The following CADM1 variants were observed in gnomAD, a reference collection of about 807,000 sequenced individuals.
The protein encoded by CADM1 is TSLC-1.
CADM1 carries 15 observed loss-of-function variants against 53.1 expected under a neutral mutation model. The observed-to-expected ratio is 0.28, with a 90% CI of 0.19 to 0.44. The LOEUF (loss-of-function observed/expected upper bound fraction) is 0.44. Ranked by LOEUF, CADM1 falls within the 20% of genes least tolerant of loss-of-function variation. CADM1 has a pLI of 1.00. For synonymous variants in CADM1, 281 were observed against 243.0 expected (o/e 1.16, Z -1.45); for missense variants, 434 against 611.3 (o/e 0.71, Z 3.06).
chr11:115,345,379 G>A (rs563013702), intron 1 of CADM1, among the ~76,000 whole-genome samples: 1 of 152,146 alleles, frequency 6.6e-6, no homozygotes, highest in East Asian at 1.9e-4. Flanking sequence ...GAAAATGTCA[G>A]TGCTCAGCAA....
chr11:115,409,015 C>T (rs1247805529), intron 1 of CADM1, among the ~76,000 whole-genome samples: 2 of 129,526 alleles, frequency 1.5e-5, no homozygotes, highest in Admixed American at 1.8e-4. Flanking sequence ...ACATCATCAG[C>T]CCAAGGAGGT....
intron 11 of CADM1, 130 bp from the exon 12 acceptor site, chr11:115,176,722 T>G: frequency 1.2e-6 from 1 of 818,572 alleles, no homozygotes; most frequent in Non-Finnish European, 2.1e-6. Context: ...GAAAAAACAA[T>G]TGGAAGAAGA....
At chr11:115,450,575 A>G (rs1017393692) in intron 1 of CADM1, among the ~76,000 whole-genome samples, 9 of 152,234 alleles carry the variant, frequency 5.9e-5, no homozygotes, top group Admixed American at 3.3e-4. Context: ...AGCCAGCTCC[A>G]TAACTATACA....
At chr11:115,182,818 C>T (rs150751514) in intron 10 of CADM1, among the ~76,000 whole-genome samples, 1 of 152,250 alleles carries the variant, frequency 6.6e-6, no homozygotes, top group Non-Finnish European at 1.5e-5. Context: ...TTCCATGGCT[C>T]TAAGTGTGAC....
At chr11:115,250,935 G>A (rs1318534021) in intron 1 of CADM1, among the ~76,000 whole-genome samples, 5 of 152,164 alleles carry the variant, frequency 3.3e-5, no homozygotes, top group Admixed American at 3.3e-4. Context: ...AGGACAATAA[G>A]CTTTACGATG....
At chr11:115,485,713 T>C (rs1191567808) in intron 1 of CADM1, among the ~76,000 whole-genome samples, 1 of 152,236 alleles carries the variant, frequency 6.6e-6, no homozygotes, top group African/African-American at 2.4e-5. Flanking sequence ...CACATGGAAC[T>C]GTGAGTCCAT....
intron 9 of CADM1, among the ~76,000 whole-genome samples, chr11:115,197,123 G>A (rs916355849): frequency 6.6e-6 from 1 of 152,176 alleles, no homozygotes; most frequent in Non-Finnish European, 1.5e-5. Flanking sequence ...ACCCAAGTTC[G>A]TTTTGCTTTC....
chr11:115,183,163 A>G (rs181600799), intron 10 of CADM1, among the ~76,000 whole-genome samples: 142 of 152,310 alleles, frequency 9.3e-4, no homozygotes, highest in African/African-American at 3.4e-3. Flanking sequence ...AAGAAAGGTG[A>G]CTGCTAGTGG....
chr11:115,392,398 T>A (rs899475266), intron 1 of CADM1, among the ~76,000 whole-genome samples: 3 of 151,928 alleles, frequency 2.0e-5, no homozygotes, highest in Non-Finnish European at 4.4e-5. Flanking sequence ...GGCAGAGAAT[T>A]TCTAAAGAGT....
At chr11:115,207,639 G>A (rs1203414209) in intron 8 of CADM1, among the ~76,000 whole-genome samples, 1 of 151,930 alleles carries the variant, frequency 6.6e-6, no homozygotes, top group Non-Finnish European at 1.5e-5. Flanking sequence ...GAAAAGTGTT[G>A]TTCCATATAA....
At chr11:115,485,391 A>C (rs1211394635) in intron 1 of CADM1, among the ~76,000 whole-genome samples, 3 of 152,216 alleles carry the variant, frequency 2.0e-5, no homozygotes, top group Non-Finnish European at 4.4e-5. Flanking sequence ...TGTATTAAAG[A>C]AGTAACTAAA....
chr11:115,209,631 T>C lies in CADM1; in HGVS notation c.1021A>G (p.Thr341Ala), dbSNP rs1261035964. 1 of 1,611,966 alleles carries C rather than the reference T, an allele frequency of 6.2e-7. No homozygotes were observed. The highest frequency in any genetic ancestry group is 8.5e-7 in the Non-Finnish European group (1 of 1,179,478). ...GTGGTGGTGGTGGTGGTGGTTGTTG[T>C]GGGAGGAGGGATAGTTGTGGGGGGA... Reference protein sequence around the residue: ...YDPPTTIPPPTTTTTTTTTTT... With the variant: ...YDPPTTIPPPATTTTTTTTTT... The change falls in exon 8 of 12, where the codon ACA becomes GCA. Residue 341 changes from threonine (T) to alanine (A), a missense_variant. Thr to Ala is a moderately conservative substitution (Grantham distance 58). Transcript: ENST00000331581.
rs1340121174 is a variant in CADM1, at chr11:115,491,655, A to C, written c.124+12616T>G. Among the ~76,000 whole-genome samples, 4 of 152,366 alleles carry C rather than the reference A, an allele frequency of 2.6e-5. No individual in the cohort carries two copies. In the South Asian group the frequency reaches 6.2e-4, roughly 24 times the overall value. ...GAAGAAATGGGAGAAAAGTGAAAATAGTAACTTGGAACCAACCCAAACTTG... is the reference window on the plus strand; with the variant it reads ...GAAGAAATGGGAGAAAAGTGAAAATCGTAACTTGGAACCAACCCAAACTTG... On this transcript the variant is annotated intron_variant, in intron 1 of 11. Transcript: ENST00000331581.
intron 1 of CADM1, among the ~76,000 whole-genome samples, chr11:115,483,026 A>T (rs1367975171): frequency 6.6e-6 from 1 of 152,220 alleles, no homozygotes; most frequent in Non-Finnish European, 1.5e-5. Flanking sequence ...TATCATCTTT[A>T]AATCCACAAT....
At chr11:115,401,707 T>C (rs1274545255) in intron 1 of CADM1, among the ~76,000 whole-genome samples, 1 of 152,200 alleles carries the variant, frequency 6.6e-6, no homozygotes, top group Non-Finnish European at 1.5e-5. Context: ...GGGAAAATAC[T>C]GTATAATGAT....
At chr11:115,406,297 G>A (rs1299657237) in intron 1 of CADM1, among the ~76,000 whole-genome samples, 3 of 151,620 alleles carry the variant, frequency 2.0e-5, no homozygotes, top group African/African-American at 4.8e-5. Context: ...TCCCTCTGGA[G>A]TATGCTAGAC....
At chr11:115,457,929 T>G (rs904932625) in intron 1 of CADM1, among the ~76,000 whole-genome samples, 3 of 152,118 alleles carry the variant, frequency 2.0e-5, no homozygotes, top group Non-Finnish European at 4.4e-5. Flanking sequence ...TGAGTAAACA[T>G]AAAATGAGGG....
At position 115,175,295 on chromosome 11, in the gene CADM1, G is replaced by A; in HGVS notation, c.*1179C>T. 1.0e-6 allele frequency: 1 copy of A among 984,788 alleles called. No homozygotes were observed. The highest frequency in any genetic ancestry group is 1.2e-6 in the Non-Finnish European group (1 of 829,752). The allele number at this position is 984,788 out of a possible 1,614,324, so 61.0% of individuals were successfully genotyped here. On this transcript the variant is annotated 3_prime_UTR_variant, in exon 12 of 12. Coordinates refer to ENST00000331581, the MANE Select transcript of CADM1 (RefSeq NM_001301043.2). ...TGAAAGTTTCACACAGATTCGAGTTGGAAATCCCAGCATGACAAATATCTG... is the reference window on the plus strand; with the variant it reads ...TGAAAGTTTCACACAGATTCGAGTTAGAAATCCCAGCATGACAAATATCTG...
intron 1 of CADM1, among the ~76,000 whole-genome samples, chr11:115,331,873 C>CTTTTTTTTTTT (rs141722707): frequency 2.0e-5 from 3 of 146,830 alleles, no homozygotes; most frequent in East Asian, 2.0e-4. Context: ...AAATATAGAC[C>CTTTTTTTTTTT]TTTTTTTTTG....
Sources: gnomAD v4.1 joint callset for allele counts (sites outside exome capture counted in the v4.1 genomes callset) on GRCh38, gnomAD v4.1.1 for gene constraint, MANE v1.5 for transcripts, NCBI Gene and HGNC (gene_info 2026-07-23, HGNC 2026-07-21) for gene names.